Variants in SMARCA2 observed in about 807,000 individuals in gnomAD.
The protein encoded by SMARCA2 is SWI/SNF-related matrix-associated actin-dependent regulator of chromatin subfamily A member 2.
A neutral mutation model predicts 199.8 loss-of-function variants in SMARCA2; 61 were observed. That is an observed-to-expected ratio of 0.31 (90% confidence interval 0.25 to 0.38). The LOEUF (loss-of-function observed/expected upper bound fraction) is 0.38. Among genes scored for constraint, SMARCA2 ranks in the 10% least tolerant of loss-of-function variants. SMARCA2 has a pLI of 1.00. For synonymous variants in SMARCA2, 935 were observed against 732.0 expected (o/e 1.28, Z -4.48); for missense variants, 1,344 against 2,012.2 (o/e 0.67, Z 6.35).
chr9:2,089,433 T>C (rs1821954579), intron 19 of SMARCA2, among the ~76,000 whole-genome samples: 1 of 152,188 alleles, frequency 6.6e-6, no homozygotes, highest in African/African-American at 2.4e-5. Flanking sequence ...AAATGTCTTA[T>C]TTTTGCATGA....
chr9:2,111,509 A>AG (rs1823002233), intron 24 of SMARCA2, among the ~76,000 whole-genome samples: 1 of 151,220 alleles, frequency 6.6e-6, no homozygotes, highest in Non-Finnish European at 1.5e-5. Flanking sequence ...AAAAAAAAAA[A>AG]AGAAAAGCAA....
intron 29 of SMARCA2, among the ~76,000 whole-genome samples, chr9:2,172,935 A>G (rs989760563): frequency 1.3e-5 from 2 of 152,238 alleles, no homozygotes; most frequent in African/African-American, 2.4e-5. Flanking sequence ...GGAGGCATAC[A>G]TTAGGAGAAT....
intron 10 of SMARCA2, among the ~76,000 whole-genome samples, chr9:2,071,118 A>G (rs1821068631): frequency 6.6e-6 from 1 of 152,184 alleles, no homozygotes; most frequent in Non-Finnish European, 1.5e-5. Context: ...TTTGTTTCAA[A>G]TTATCTTCAT....
At chr9:2,077,292 G>A (rs1821370812) in intron 13 of SMARCA2, among the ~76,000 whole-genome samples, 1 of 152,142 alleles carries the variant, frequency 6.6e-6, no homozygotes, top group Admixed American at 6.5e-5. Context: ...TCATCTGCAG[G>A]TGTAGGGTTC....
chr9:2,133,196 A>G (rs894473911), intron 27 of SMARCA2, among the ~76,000 whole-genome samples: 2 of 152,254 alleles, frequency 1.3e-5, no homozygotes, highest in African/African-American at 2.4e-5. Flanking sequence ...GCAAACTATT[A>G]CAGAGAAATC....
intron 25 of SMARCA2, among the ~76,000 whole-genome samples, chr9:2,117,119 A>C (rs1823247284): frequency 6.6e-6 from 1 of 152,182 alleles, no homozygotes; most frequent in African/African-American, 2.4e-5. Flanking sequence ...CTGAATGTGC[A>C]TCCCTTCTGC....
At chr9:2,129,025 G>T (rs1823819476) in intron 27 of SMARCA2, among the ~76,000 whole-genome samples, 1 of 152,160 alleles carries the variant, frequency 6.6e-6, no homozygotes, top group Admixed American at 6.5e-5. Flanking sequence ...AAATTCAGGG[G>T]CTCGTGAACC....
chr9:2,114,955 A>G (rs1187209269), intron 24 of SMARCA2, among the ~76,000 whole-genome samples: 1 of 152,106 alleles, frequency 6.6e-6, no homozygotes, highest in African/African-American at 2.4e-5. Context: ...AATCTCCTAC[A>G]ATATAATTTT....
chr9:2,051,395 C>T (rs192861643), intron 5 of SMARCA2, among the ~76,000 whole-genome samples: 5 of 152,230 alleles, frequency 3.3e-5, no homozygotes, highest in South Asian at 2.1e-4. Flanking sequence ...GCACCCCCCT[C>T]GCTCCCACTC....
intron 27 of SMARCA2, among the ~76,000 whole-genome samples, chr9:2,137,720 C>A (rs545814287): frequency 6.6e-6 from 1 of 152,208 alleles, no homozygotes; most frequent in African/African-American, 2.4e-5. Flanking sequence ...GTCTTCTTGA[C>A]TGCTATGTCC....
At position 2,110,859 on chromosome 9, in the gene SMARCA2, GA is replaced by G. The variant is rs1163896852; in HGVS notation, c.3456+445del. ...TATGATTTGAATCTTTGCAGTCAAG[GA>G]AACTGAATCCTAGGCAGGGTAAGTA... On this transcript the variant is annotated intron_variant, in intron 24 of 33. Coordinates refer to ENST00000349721, the MANE Select transcript of SMARCA2 (RefSeq NM_003070.5). The surrounding 1 kb of genome is among the most constrained non-coding windows in gnomAD (Gnocchi z 4.8). Among the ~76,000 whole-genome samples the G allele has an allele frequency of 6.6e-6, 1 of 152,188 alleles. No individual in the cohort carries two copies. The highest frequency in any genetic ancestry group is 2.4e-5 in the African/African-American group (1 of 41,450).
At position 2,160,399 on chromosome 9, in the gene SMARCA2, T is replaced by C. The variant is rs1263241360; in HGVS notation, c.3982-1287T>C. The C allele has an allele frequency of 1.5e-5, 8 of 543,040 alleles. No homozygotes were observed. In the East Asian group the frequency reaches 2.3e-4, roughly 16 times the overall value. 33.6% of individuals were successfully genotyped at this position (543,040 alleles called of 1,614,324 possible). ...TTCTATGGATTTGCACATTGGAGGA[T>C]GCGTAGAAAACATATTTTTTTAAAA... On this transcript the variant is annotated intron_variant, in intron 27 of 33. Transcript: ENST00000349721.
chr9:2,083,330 T>G lies in SMARCA2; in HGVS notation c.2349-17T>G. On this transcript the variant is annotated splice_polypyrimidine_tract_variant and intron_variant, in intron 15 of 33. Coordinates refer to ENST00000349721, the MANE Select transcript of SMARCA2 (RefSeq NM_003070.5). The stretch of plus-strand genomic sequence containing the variant: ...ACAAATGTCTTTTTTCTGTTGTTTT[T>G]TTTTTTTGTTCCATAGGACTCTATC... 1 of 1,528,044 alleles carries G rather than the reference T, an allele frequency of 6.5e-7. No homozygotes were observed. The highest frequency in any genetic ancestry group is 8.8e-7 in the Non-Finnish European group (1 of 1,131,646). The allele number at this position is 1,528,044 out of a possible 1,614,324, so 94.7% of individuals were successfully genotyped here.
At chr9:2,069,194 G>C (rs931065138) in intron 9 of SMARCA2, 2 of 151,924 alleles carry the variant, frequency 1.3e-5, no homozygotes, top group African/African-American at 4.8e-5. Context: ...GGGATTACAG[G>C]CCTGAGCCAC....
chr9:2,179,113 T>C (rs1238709758), intron 29 of SMARCA2, among the ~76,000 whole-genome samples: 1 of 150,390 alleles, frequency 6.6e-6, no homozygotes, highest in Non-Finnish European at 1.5e-5. Flanking sequence ...AGCTATGGAG[T>C]GAGAGCTAGG....
At chr9:2,028,659 T>C (rs1218148806) in intron 1 of SMARCA2, among the ~76,000 whole-genome samples, 1 of 152,244 alleles carries the variant, frequency 6.6e-6, no homozygotes, top group Non-Finnish European at 1.5e-5. Context: ...GGAGAGCATC[T>C]GTTGACTTCA....
At chr9:2,106,227 C>G (rs982203707) in intron 23 of SMARCA2, among the ~76,000 whole-genome samples, 1 of 152,176 alleles carries the variant, frequency 6.6e-6, no homozygotes, top group Non-Finnish European at 1.5e-5. Flanking sequence ...TGTTTGATTC[C>G]AAATTAGCTG....
rs542031893 is a variant in SMARCA2, at chr9:2,186,213, G to C, written c.4579G>C (p.Glu1527Gln). The change falls in exon 32 of 34, where the codon GAG becomes CAG. Residue 1527 changes from glutamate (E) to glutamine (Q), a missense_variant. Around this residue, in one of 18 missense-constraint regions of SMARCA2, gnomAD observed 155 missense variants for 121.1 expected, o/e 1.28. Coordinates refer to ENST00000349721, the MANE Select transcript of SMARCA2 (RefSeq NM_003070.5). ...AGAGGAGGAAGAGGAAGATGAAGAAGAGTCAGAGTCCGAGGGTAAGCCCAG... is the reference window on the plus strand; with the variant it reads ...AGAGGAGGAAGAGGAAGATGAAGAACAGTCAGAGTCCGAGGGTAAGCCCAG... ...NEEEEEEDEE[E>Q]SESEAKSVKV... is the part of the protein sequence containing the mutation. The C allele has an allele frequency of 6.2e-7, 1 of 1,614,010 alleles. No homozygotes were observed. Among genetic ancestry groups the C allele is most frequent in the East Asian group, 2.2e-5 (1 of 44,868 alleles).
intron 3 of SMARCA2, among the ~76,000 whole-genome samples, chr9:2,037,443 G>T (rs774529097): frequency 1.3e-5 from 2 of 152,210 alleles, no homozygotes; most frequent in Non-Finnish European, 2.9e-5. Flanking sequence ...CCTGAATAGA[G>T]TTCTACTTCT....
Sources: gnomAD v4.1 joint callset for allele counts (sites outside exome capture counted in the v4.1 genomes callset) on GRCh38, gnomAD v4.1.1 for gene constraint, gnomAD v4.1.1 regional missense constraint, Gnocchi (gnomAD v3.1) non-coding constraint, MANE v1.5 for transcripts, NCBI Gene and HGNC (gene_info 2026-07-23, HGNC 2026-07-21) for gene names.